MLPH: variants seen among roughly 807,000 people sequenced by gnomAD.
MLPH encodes the protein exophilin-3.
MLPH carries 51 observed loss-of-function variants against 72.1 expected under a neutral mutation model. The observed-to-expected ratio is 0.71, with a 90% CI of 0.56 to 0.89. MLPH has a LOEUF of 0.89. MLPH is among the 40% of genes least tolerant of loss of function. The pLI is 0.00. For synonymous variants in MLPH, 301 were observed against 310.1 expected, an observed-to-expected ratio of 0.97 and a Z score of 0.31; for missense variants, 743 against 759.9, an observed-to-expected ratio of 0.98 and a Z score of 0.26.
intron 4 of MLPH, among the ~76,000 whole-genome samples, chr2:237,515,681 C>A (rs2080001280): frequency 1.3e-5 from 2 of 152,174 alleles, no homozygotes; most frequent in African/African-American, 4.8e-5. Flanking sequence ...GGGGTGCAAG[C>A]AAAGGGCAGA....
rs748704288 is a variant in MLPH at position 237,510,782 on chromosome 2, T to G, written c.319T>G (p.Cys107Gly). Residue 107 changes from cysteine (C) to glycine (G), a missense_variant, in exon 3 of 16, where the codon TGC (cysteine) becomes GGC (glycine). Coordinates refer to ENST00000264605, the MANE Select transcript of MLPH (RefSeq NM_024101.7). The surrounding 1 kb of genome is among the most constrained non-coding windows in gnomAD (Gnocchi z 4.4). ...GGAGCAGGGCTGGATCTGTGACCCC[T>G]GCCATCTGGCCAGGTGAGCCCAGGC... is the stretch of plus-strand genomic sequence containing the variant. ...PEEQGWICDP[C>G]HLARVVKIGS... The G allele has an allele frequency of 1.4e-5, 23 of 1,613,364 alleles. No homozygotes were observed. In the East Asian group the frequency reaches 5.1e-4, roughly 36 times the overall value.
intron 4 of MLPH, among the ~76,000 whole-genome samples, chr2:237,516,793 ATGG>A (rs1361359864): frequency 9.2e-5 from 13 of 141,592 alleles, no homozygotes; most frequent in African/African-American, 3.2e-4. Context: ...GGATGGATGG[ATGG>A]ATGGATGGAT....
chr2:237,539,952 G>C (rs1358220749), intron 9 of MLPH, among the ~76,000 whole-genome samples: 1 of 152,198 alleles, frequency 6.6e-6, no homozygotes, highest in Non-Finnish European at 1.5e-5. Flanking sequence ...ACCCGACCAA[G>C]GCTGTCTGTG....
At chr2:237,497,017 G>C (rs2079549625) in intron 2 of MLPH, among the ~76,000 whole-genome samples, 1 of 152,176 alleles carries the variant, frequency 6.6e-6, no homozygotes, top group Non-Finnish European at 1.5e-5. Flanking sequence ...GATGTGAGGG[G>C]CTGGGGGAGG....
chr2:237,501,004 G>A (rs1255639662), intron 2 of MLPH, among the ~76,000 whole-genome samples: 1 of 151,050 alleles, frequency 6.6e-6, no homozygotes, highest in Non-Finnish European at 1.5e-5. Flanking sequence ...GTCATCCCCC[G>A]GCTCATAACC....
intron 12 of MLPH, among the ~76,000 whole-genome samples, chr2:237,543,010 A>G (rs374469029): frequency 2.3e-3 from 36 of 15,864 alleles, no homozygotes; most frequent in South Asian, 0.011. Flanking sequence ...TGGTGAGTGG[A>G]GACAGTGGTG....
intron 5 of MLPH, among the ~76,000 whole-genome samples, chr2:237,519,435 G>A (rs2106321990): frequency 6.6e-6 from 1 of 152,332 alleles, no homozygotes; most frequent in South Asian, 2.1e-4. Flanking sequence ...AGGATCAAAA[G>A]AATTATAATG....
chr2:237,513,172 C>G (rs903072103), intron 4 of MLPH, among the ~76,000 whole-genome samples: 1 of 152,076 alleles, frequency 6.6e-6, no homozygotes, highest in Non-Finnish European at 1.5e-5. Flanking sequence ...CAGCCAGGGC[C>G]TAATGCAGAC....
intron 1 of MLPH, among the ~76,000 whole-genome samples, chr2:237,490,105 G>A (rs114235226): frequency 0.033 from 5,071 of 152,232 alleles, 211 homozygotes; most frequent in African/African-American, 0.1. Context: ...AACAGAAATG[G>A]AACAAGGAGC....
Position 237,505,065 on chromosome 2 carries a change from A to T in MLPH, c.111-5509A>T, listed in dbSNP as rs761265707. 1.4e-4 allele frequency among the ~76,000 whole-genome samples: 21 copies of T among 151,238 alleles called. No homozygotes were observed. Among genetic ancestry groups the T allele is most frequent in the Non-Finnish European group, 2.8e-4 (19 of 67,774 alleles). ...CCCACAACCCCACCTCTGCTCCCCA[A>T]CCCATGCTTTTGGCCAGGCCAGCAG... On this transcript the variant is annotated intron_variant, in intron 2 of 15. Transcript: ENST00000264605. This position sits in a 1 kb window ranked among gnomAD's most constrained non-coding sequence, Gnocchi z 4.5.
At chr2:237,501,888 C>A (rs1229778243) in intron 2 of MLPH, among the ~76,000 whole-genome samples, 1 of 152,088 alleles carries the variant, frequency 6.6e-6, no homozygotes, top group Non-Finnish European at 1.5e-5. Context: ...TGTGTTAAAA[C>A]TTTTCCGCTC....
intron 1 of MLPH, among the ~76,000 whole-genome samples, chr2:237,490,899 A>G (rs1483161937): frequency 6.6e-6 from 1 of 152,336 alleles, no homozygotes; most frequent in Non-Finnish European, 1.5e-5. Flanking sequence ...CTCTTCTTGT[A>G]TTGCAAACAC....
In MLPH at chr2:237,510,900, CGTGT is replaced by C. The variant is rs71887544; in HGVS notation, c.333-67_333-64del. The C allele has an allele frequency of 2.0e-3, 2,651 of 1,308,634 alleles. No individual in the cohort carries two copies. Among genetic ancestry groups the C allele is most frequent in the Non-Finnish European group, 2.4e-3 (2,222 of 917,590 alleles). The allele number at this position is 1,308,634 out of a possible 1,614,324, so 81.1% of individuals were successfully genotyped here. A position where few individuals can be genotyped will look rare whatever the true frequency, so the allele number is the denominator to read the frequency against. ...GGGTGGACGCACACATGCACACACT[CGTGT>C]GTGTGTGTGTGTGTGTGTGTGAGAT... On this transcript the variant is annotated intron_variant, in intron 3 of 15. Transcript: ENST00000264605. This position sits in a 1 kb window ranked among gnomAD's most constrained non-coding sequence, Gnocchi z 4.4.
intron 6 of MLPH, among the ~76,000 whole-genome samples, chr2:237,521,917 A>G (rs112745233): frequency 0.037 from 3,585 of 97,042 alleles, 35 homozygotes; most frequent in African/African-American, 0.051. Context: ...TGCTACAACT[A>G]TAGTGCTGGA....
chr2:237,502,614 A>G (rs991365004), intron 2 of MLPH, among the ~76,000 whole-genome samples: 1 of 152,160 alleles, frequency 6.6e-6, no homozygotes, highest in African/African-American at 2.4e-5. Context: ...TGGGTGACTC[A>G]TGCCCTGGGG....
At chr2:237,514,767 T>C (rs896083696) in intron 4 of MLPH, among the ~76,000 whole-genome samples, 2 of 152,190 alleles carry the variant, frequency 1.3e-5, no homozygotes, top group African/African-American at 4.8e-5. Flanking sequence ...GCTTTTATCT[T>C]TAAGAGAAAG....
intron 6 of MLPH, among the ~76,000 whole-genome samples, chr2:237,525,196 G>A (rs1380998739): frequency 6.6e-6 from 1 of 152,174 alleles, no homozygotes; most frequent in Non-Finnish European, 1.5e-5. Flanking sequence ...CAAAGATTAA[G>A]GTGTACATAG....
intron 4 of MLPH, 123 bp from the exon 5 acceptor site, chr2:237,518,416 T>A (rs1368417202): frequency 1.3e-6 from 1 of 781,574 alleles, no homozygotes; most frequent in Non-Finnish European, 2.2e-6. Flanking sequence ...GGTGAATGGA[T>A]GAAGGAGGGA....
chr2:237,487,793 T>C (rs1278767087), intron 1 of MLPH, among the ~76,000 whole-genome samples: 2 of 152,172 alleles, frequency 1.3e-5, no homozygotes, highest in African/African-American at 4.8e-5. Flanking sequence ...TGATGCCAAG[T>C]AGGCTGGCCC....
Sources: gnomAD v4.1 joint callset for allele counts (sites outside exome capture counted in the v4.1 genomes callset) on GRCh38, gnomAD v4.1.1 for gene constraint, Gnocchi (gnomAD v3.1) non-coding constraint, MANE v1.5 for transcripts, NCBI Gene and HGNC (gene_info 2026-07-23, HGNC 2026-07-21) for gene names.